COL26A1: variants seen among roughly 807,000 people sequenced by gnomAD.
COL26A1 encodes the protein collagen type XXVI alpha 1 chain.
A neutral mutation model predicts 59.3 loss-of-function variants in COL26A1; 41 were observed. The ratio of observed to expected loss-of-function variants is 0.69; its 90% CI spans 0.54 to 0.90. COL26A1 has a LOEUF of 0.90. Among genes scored for constraint, COL26A1 ranks in the 40% least tolerant of loss-of-function variants. The pLI is 0.00. For missense variants in COL26A1, 612 were observed against 602.3 expected, an observed-to-expected ratio of 1.02 and a Z score of -0.17; for synonymous variants, 266 against 256.0, an observed-to-expected ratio of 1.04 and a Z score of -0.37.
intron 3 of COL26A1, among the ~76,000 whole-genome samples, chr7:101,472,970 C>G (rs1457039840): frequency 6.6e-6 from 1 of 152,196 alleles, no homozygotes. Context: ...TTGCCTGGGC[C>G]TCTCATTCAG....
At chr7:101,469,021 A>G (rs1481474192) in intron 3 of COL26A1, among the ~76,000 whole-genome samples, 11 of 152,130 alleles carry the variant, frequency 7.2e-5, no homozygotes, top group Admixed American at 6.6e-5. Flanking sequence ...TCCCAGCACA[A>G]ATGTTTCCAT....
chr7:101,387,778 A>ATATATATATATT (rs773025730), intron 1 of COL26A1, among the ~76,000 whole-genome samples: 9 of 84,836 alleles, frequency 1.1e-4, no homozygotes, highest in African/African-American at 4.5e-4. Flanking sequence ...ATATATATAT[A>ATATATATATATT]TTTTTTTTTA....
At position 101,497,539 on chromosome 7, in the gene COL26A1, G is replaced by A. The variant is rs897030928; in HGVS notation, c.386-35543G>A. Among the ~76,000 whole-genome samples the A allele has an allele frequency of 2.7e-5, 4 of 150,916 alleles. No individual in the cohort carries two copies. In the East Asian group the frequency reaches 7.9e-4, roughly 30 times the overall value. ...AAAATACAAAAAATTGGCCAGGTGT[G>A]GTGGTGCATGCCTGTAGTCCCAGCT... On this transcript the variant is annotated intron_variant, in intron 3 of 12. Transcript: ENST00000313669.
At chr7:101,499,212 G>A (rs750369157) in intron 3 of COL26A1, among the ~76,000 whole-genome samples, 14 of 152,110 alleles carry the variant, frequency 9.2e-5, no homozygotes, top group Admixed American at 2.0e-4. Context: ...CATCCTCCCA[G>A]CCATCACAAG....
At chr7:101,384,076 C>T (rs985650426) in intron 1 of COL26A1, among the ~76,000 whole-genome samples, 6 of 152,108 alleles carry the variant, frequency 3.9e-5, no homozygotes, top group Admixed American at 1.3e-4. Context: ...TGCCGTGATG[C>T]AATCACTCTT....
intron 3 of COL26A1, among the ~76,000 whole-genome samples, chr7:101,515,755 A>G (rs532976503): frequency 1.3e-5 from 2 of 151,670 alleles, no homozygotes; most frequent in African/African-American, 2.4e-5. Flanking sequence ...CAACCAGGTA[A>G]TTTTTGTATT....
At chr7:101,538,998 T>G (rs1468692521) in intron 4 of COL26A1, among the ~76,000 whole-genome samples, 1 of 152,182 alleles carries the variant, frequency 6.6e-6, no homozygotes, top group East Asian at 1.9e-4. Flanking sequence ...CCTGCTGGCC[T>G]CTTCGGGGGC....
intron 7 of COL26A1, among the ~76,000 whole-genome samples, chr7:101,546,891 C>T (rs1328525736): frequency 6.6e-6 from 1 of 152,038 alleles, no homozygotes; most frequent in Non-Finnish European, 1.5e-5. Flanking sequence ...AGGGCAGACC[C>T]AGAGTCTGAA....
At chr7:101,517,763 C>G (rs571843054) in intron 3 of COL26A1, among the ~76,000 whole-genome samples, 2 of 150,860 alleles carry the variant, frequency 1.3e-5, no homozygotes, top group East Asian at 3.9e-4. Flanking sequence ...CAGGGCTTCC[C>G]CCACTGCAGT....
intron 1 of COL26A1, among the ~76,000 whole-genome samples, chr7:101,414,500 C>T (rs560646252): frequency 1.3e-5 from 2 of 151,940 alleles, no homozygotes; most frequent in South Asian, 2.1e-4. Flanking sequence ...TGTAGTGGCA[C>T]GAACTCGGCT....
At chr7:101,436,798 C>T (rs1792927237) in intron 2 of COL26A1, among the ~76,000 whole-genome samples, 1 of 151,972 alleles carries the variant, frequency 6.6e-6, no homozygotes, top group South Asian at 2.1e-4. Flanking sequence ...TCACTGCAAC[C>T]TCCACCTCCT....
At chr7:101,365,224 GC>G (rs1197627279) in intron 1 of COL26A1, among the ~76,000 whole-genome samples, 1 of 152,136 alleles carries the variant, frequency 6.6e-6, no homozygotes, top group Admixed American at 6.6e-5. Flanking sequence ...TAAAAAACAA[GC>G]TTTTCAAGTT....
At chr7:101,521,505 G>A (rs1795140410) in intron 3 of COL26A1, among the ~76,000 whole-genome samples, 1 of 152,124 alleles carries the variant, frequency 6.6e-6, no homozygotes, top group African/African-American at 2.4e-5. Context: ...AAGAGGTGGT[G>A]CTAGCTGACC....
At chr7:101,408,131 G>T (rs1336094389) in intron 1 of COL26A1, among the ~76,000 whole-genome samples, 1 of 152,164 alleles carries the variant, frequency 6.6e-6, no homozygotes, top group African/African-American at 2.4e-5. Flanking sequence ...CCCAACACTG[G>T]GGTTCACCTA....
chr7:101,476,353 C>A (rs1213641214), intron 3 of COL26A1, among the ~76,000 whole-genome samples: 2 of 152,076 alleles, frequency 1.3e-5, no homozygotes, highest in Non-Finnish European at 2.9e-5. Flanking sequence ...AAGACAAAAT[C>A]ATAACAAATG....
At chr7:101,506,342 G>T (rs1228637350) in intron 3 of COL26A1, among the ~76,000 whole-genome samples, 1 of 152,222 alleles carries the variant, frequency 6.6e-6, no homozygotes, top group Non-Finnish European at 1.5e-5. Context: ...AAAATGAATC[G>T]GAGAAGAGAG....
At chr7:101,383,971 A>T (rs958136866) in intron 1 of COL26A1, among the ~76,000 whole-genome samples, 1 of 149,474 alleles carries the variant, frequency 6.7e-6, no homozygotes, top group South Asian at 2.1e-4. Flanking sequence ...TGCCCAGCCG[A>T]TAATTTTTTT....
At chr7:101,394,086 A>G (rs756329939) in intron 1 of COL26A1, among the ~76,000 whole-genome samples, 8 of 151,950 alleles carry the variant, frequency 5.3e-5, no homozygotes, top group Non-Finnish European at 1.0e-4. Flanking sequence ...CTGGGAACCA[A>G]TGCTTATTGA....
chr7:101,502,088 G>A (rs1177699760), intron 3 of COL26A1, among the ~76,000 whole-genome samples: 2 of 152,204 alleles, frequency 1.3e-5, no homozygotes, highest in South Asian at 2.1e-4. Flanking sequence ...GGTGGCTGAC[G>A]CCTATAATCC....
Sources: gnomAD v4.1 joint callset for allele counts (sites outside exome capture counted in the v4.1 genomes callset) on GRCh38, gnomAD v4.1.1 for gene constraint, MANE v1.5 for transcripts, NCBI Gene and HGNC (gene_info 2026-07-23, HGNC 2026-07-21) for gene names.